The following MMP16 variants were observed in gnomAD, a reference collection of about 807,000 sequenced individuals.
MMP16 encodes the protein matrix metalloproteinase-16.
MMP16 carries 12 observed loss-of-function variants against 67.8 expected under a neutral mutation model. The observed-to-expected ratio is 0.18, with a 90% CI of 0.11 to 0.29. The LOEUF (loss-of-function observed/expected upper bound fraction) is 0.29, where lower values mean the gene tolerates loss of function less well. Ranked by LOEUF, MMP16 falls within the 10% of genes least tolerant of loss-of-function variation. The pLI is 1.00. For synonymous variants in MMP16, 249 were observed against 255.9 expected, an observed-to-expected ratio of 0.97 and a Z score of 0.26; for missense variants, 475 against 765.7, an observed-to-expected ratio of 0.62 and a Z score of 4.48.
intron 7 of MMP16, among the ~76,000 whole-genome samples, chr8:88,074,038 A>C (rs576016079): frequency 1.3e-5 from 2 of 152,290 alleles, no homozygotes; most frequent in South Asian, 4.1e-4. Flanking sequence ...TCACTTCATC[A>C]GGTAATTTCA....
chr8:88,037,956 G>T lies in MMP16; in HGVS notation c.*3505C>A, dbSNP rs1350584692. On this transcript the variant is annotated 3_prime_UTR_variant, in exon 10 of 10. Coordinates refer to ENST00000286614, the MANE Select transcript of MMP16 (RefSeq NM_005941.5). ...GAGCTTTTCATGTTATTAGTGATGG[G>T]GTGATGAAAATATTTTATGCCTTGC... The T allele has an allele frequency of 6.6e-6, 1 of 151,818 alleles. No individual in the cohort carries two copies. The highest frequency in any genetic ancestry group is 1.5e-5 in the Non-Finnish European group (1 of 67,862). The allele number at this position is 151,818 out of a possible 1,614,324, so 9.4% of individuals were successfully genotyped here.
intron 7 of MMP16, among the ~76,000 whole-genome samples, chr8:88,068,366 C>T (rs1239911939): frequency 6.6e-6 from 1 of 151,932 alleles, no homozygotes; most frequent in Non-Finnish European, 1.5e-5. Context: ...GCTTTTTATT[C>T]ACTTAAAAGT....
At chr8:88,259,137 C>A (rs556130388) in intron 1 of MMP16, among the ~76,000 whole-genome samples, 1 of 152,214 alleles carries the variant, frequency 6.6e-6, no homozygotes, top group South Asian at 2.1e-4. Flanking sequence ...TTTGAACCCA[C>A]GTCTGTGTAA....
chr8:88,289,029 G>A (rs1472057769), intron 1 of MMP16, among the ~76,000 whole-genome samples: 1 of 152,160 alleles, frequency 6.6e-6, no homozygotes, highest in African/African-American at 2.4e-5. Context: ...GGATCACAGA[G>A]GTTCACGCCA....
chr8:88,155,011 A>C (rs1808484778), intron 4 of MMP16, among the ~76,000 whole-genome samples: 1 of 152,096 alleles, frequency 6.6e-6, no homozygotes, highest in African/African-American at 2.4e-5. Context: ...CTAGGTTTCT[A>C]TCAAATATCT....
chr8:88,244,770 C>A (rs991841033), intron 1 of MMP16, among the ~76,000 whole-genome samples: 1 of 152,108 alleles, frequency 6.6e-6, no homozygotes, highest in African/African-American at 2.4e-5. Flanking sequence ...TCTTTACCTT[C>A]GTGACTTTCA....
chr8:88,282,087 G>T (rs1301110272), intron 1 of MMP16, among the ~76,000 whole-genome samples: 8 of 148,674 alleles, frequency 5.4e-5, no homozygotes, highest in African/African-American at 1.5e-4. Context: ...TTTTTTGGGG[G>T]GGGGGGGGCG....
At chr8:88,122,298 A>G (rs572612823) in intron 4 of MMP16, among the ~76,000 whole-genome samples, 5 of 151,938 alleles carry the variant, frequency 3.3e-5, no homozygotes, top group African/African-American at 1.2e-4. Flanking sequence ...TGCCTCTGTC[A>G]ATTGTGCAAG....
chr8:88,046,077 C>T (rs1320752477), intron 9 of MMP16, among the ~76,000 whole-genome samples: 1 of 152,048 alleles, frequency 6.6e-6, no homozygotes, highest in Non-Finnish European at 1.5e-5. Flanking sequence ...TATGGATTAT[C>T]CCCAGCTTGG....
At chr8:88,307,618 C>A (rs1198591897) in intron 1 of MMP16, among the ~76,000 whole-genome samples, 1 of 151,848 alleles carries the variant, frequency 6.6e-6, no homozygotes, top group Non-Finnish European at 1.5e-5. Context: ...TAATAATTGA[C>A]AACTGAAAAC....
chr8:88,128,935 T>A (rs887961405), intron 4 of MMP16, among the ~76,000 whole-genome samples: 3 of 151,744 alleles, frequency 2.0e-5, no homozygotes, highest in African/African-American at 7.3e-5. Flanking sequence ...AATGATTGGG[T>A]TTAAATTCCC....
chr8:88,122,054 T>C lies in MMP16; in HGVS notation c.710-3193A>G, dbSNP rs1807849244. Among the ~76,000 whole-genome samples the C allele has an allele frequency of 2.0e-5, 3 of 152,042 alleles. No individual in the cohort carries two copies. In the South Asian group the frequency reaches 6.2e-4, roughly 31 times the overall value. The stretch of plus-strand genomic sequence containing the variant: ...TGATCCCAAAACTTTGGCTCTTCCA[T>C]TCCTTCAAGAGGTCATCACTACCCG... On this transcript the variant is annotated intron_variant, in intron 4 of 9. Transcript: ENST00000286614.
intron 6 of MMP16, among the ~76,000 whole-genome samples, chr8:88,112,675 G>GTGTGTGTGTGTGTGTGTGTGTC (rs774333204): frequency 2.0e-5 from 3 of 148,618 alleles, no homozygotes; most frequent in East Asian, 2.0e-4. Context: ...GGGTGTGTGT[G>GTGTGTGTGTGTGTGTGTGTGTC]TGTGTGTGTC....
At chr8:88,044,762 A>G (rs556790779) in intron 9 of MMP16, among the ~76,000 whole-genome samples, 1 of 152,326 alleles carries the variant, frequency 6.6e-6, no homozygotes, top group Admixed American at 6.5e-5. Flanking sequence ...GTTCCCTGAG[A>G]GCAGTGCCTC....
chr8:88,134,501 A>G (rs1478823833), intron 4 of MMP16, among the ~76,000 whole-genome samples: 1 of 151,614 alleles, frequency 6.6e-6, no homozygotes, highest in Non-Finnish European at 1.5e-5. Flanking sequence ...CTATTTTGTA[A>G]GCCAATTTTT....
intron 4 of MMP16, among the ~76,000 whole-genome samples, chr8:88,144,686 C>G (rs768577272): frequency 2.0e-5 from 3 of 151,742 alleles, no homozygotes; most frequent in Non-Finnish European, 4.4e-5. Flanking sequence ...ATTTCTTCTT[C>G]AATACTATAC....
At chr8:88,297,706 G>C (rs1036043969) in intron 1 of MMP16, among the ~76,000 whole-genome samples, 1 of 152,160 alleles carries the variant, frequency 6.6e-6, no homozygotes, top group Non-Finnish European at 1.5e-5. Flanking sequence ...TCCAGTTCTC[G>C]CTTTCACATT....
intron 1 of MMP16, among the ~76,000 whole-genome samples, chr8:88,264,405 T>A (rs948131456): frequency 6.6e-6 from 1 of 152,148 alleles, no homozygotes; most frequent in African/African-American, 2.4e-5. Context: ...CTTGCTGTGT[T>A]GCTCAAGCTT....
intron 4 of MMP16, among the ~76,000 whole-genome samples, chr8:88,125,363 T>C (rs1421218795): frequency 6.6e-6 from 1 of 151,930 alleles, no homozygotes; most frequent in African/African-American, 2.4e-5. Context: ...TTAAAGCATG[T>C]CTAATAAGGC....
Sources: gnomAD v4.1 joint callset for allele counts (sites outside exome capture counted in the v4.1 genomes callset) on GRCh38, gnomAD v4.1.1 for gene constraint, MANE v1.5 for transcripts, NCBI Gene and HGNC (gene_info 2026-07-23, HGNC 2026-07-21) for gene names.